The following C10orf90 variants were observed in gnomAD, a reference collection of about 807,000 sequenced individuals.
C10orf90 encodes chromosome 10 open reading frame 90.
Under a neutral mutation model 62.5 loss-of-function variants are expected in C10orf90, and 56 were observed. The observed-to-expected ratio is 0.90, with a 90% CI of 0.72 to 1.12. The LOEUF (loss-of-function observed/expected upper bound fraction) is 1.12. Among genes scored for constraint, C10orf90 ranks in the 50% most tolerant of loss-of-function variants. The pLI is 0.00. For missense variants in C10orf90, 970 were observed against 880.4 expected, an observed-to-expected ratio of 1.10 and a Z score of -1.29; for synonymous variants, 386 against 340.4, an observed-to-expected ratio of 1.13 and a Z score of -1.47.
intron 1 of C10orf90, among the ~76,000 whole-genome samples, chr10:126,668,883 G>T (rs1846688889): frequency 1.3e-5 from 2 of 152,162 alleles, no homozygotes; most frequent in Non-Finnish European, 2.9e-5. Context: ...TCCTAAAAAG[G>T]TGTACTTTTT....
chr10:126,501,082 A>G (rs1490271444), intron 4 of C10orf90, among the ~76,000 whole-genome samples: 1 of 152,254 alleles, frequency 6.6e-6, no homozygotes, highest in Admixed American at 6.5e-5. Flanking sequence ...GCTGTCAAGA[A>G]TGTCTCAGAT....
chr10:126,516,627 C>G (rs1430964779), intron 2 of C10orf90, among the ~76,000 whole-genome samples: 1 of 152,190 alleles, frequency 6.6e-6, no homozygotes. Context: ...TGCCTCGTCT[C>G]CAGCAGGGAG....
intron 7 of C10orf90, among the ~76,000 whole-genome samples, chr10:126,433,924 C>T (rs754830147): frequency 2.6e-5 from 4 of 152,134 alleles, no homozygotes; most frequent in African/African-American, 7.2e-5. Context: ...TTGTGTTTAC[C>T]TCGAATTATC....
chr10:126,447,131 A>G (rs965876983), intron 7 of C10orf90, among the ~76,000 whole-genome samples: 6 of 152,154 alleles, frequency 3.9e-5, no homozygotes, highest in African/African-American at 1.4e-4. Context: ...TCTAAAAAAC[A>G]CACCAGAAAA....
chr10:126,443,291 A>G (rs1336146996), intron 7 of C10orf90, among the ~76,000 whole-genome samples: 1 of 152,166 alleles, frequency 6.6e-6, no homozygotes, highest in African/African-American at 2.4e-5. Flanking sequence ...AGAAAAGAGG[A>G]GAGAAAATCC....
intron 4 of C10orf90, among the ~76,000 whole-genome samples, chr10:126,475,152 T>A (rs1056357666): frequency 6.6e-6 from 1 of 152,172 alleles, no homozygotes; most frequent in African/African-American, 2.4e-5. Context: ...CTGGAGAGTC[T>A]TTGAGCTAAT....
chr10:126,490,028 A>ATTATATATTATATATATT (rs1244004945), intron 4 of C10orf90, among the ~76,000 whole-genome samples: 10 of 102,564 alleles, frequency 9.8e-5, no homozygotes, highest in African/African-American at 3.9e-4. Flanking sequence ...TATAATATAT[A>ATTATATATTATATATATT]ATATATAATA....
chr10:126,464,498 C>A (rs75923863), intron 5 of C10orf90, among the ~76,000 whole-genome samples, 198 bp downstream of exon 5: 1 of 152,126 alleles, frequency 6.6e-6, no homozygotes, highest in African/African-American at 2.4e-5. Flanking sequence ...AAATCCCCGA[C>A]CCACATAGGG....
At chr10:126,559,729 A>C (rs1057264466) in intron 2 of C10orf90, among the ~76,000 whole-genome samples, 2 of 151,854 alleles carry the variant, frequency 1.3e-5, no homozygotes, top group African/African-American at 2.4e-5. Flanking sequence ...CAACCAAGAA[A>C]CCTCACCTTG....
intron 2 of C10orf90, among the ~76,000 whole-genome samples, chr10:126,576,935 G>A (rs1305200770): frequency 6.6e-6 from 1 of 151,046 alleles, no homozygotes; most frequent in African/African-American, 2.4e-5. Context: ...CATGTGTGGA[G>A]GCTAAAAAAA....
Position 126,624,076 on chromosome 10 carries a change from G to A in C10orf90, c.313+22489C>T, listed in dbSNP as rs183751929. Among the ~76,000 whole-genome samples the A allele has an allele frequency of 3.3e-5, 5 of 152,166 alleles. No homozygotes were observed. In the East Asian group the frequency reaches 5.8e-4, roughly 18 times the overall value. On this transcript the variant is annotated intron_variant, in intron 2 of 9. Transcript: ENST00000488181. The stretch of plus-strand genomic sequence containing the variant: ...TCAGAATCCAACTGGGGCCTAGCGC[G>A]GTGGCTCACGCCTGTAATCTCAGTA...
At chr10:126,460,017 G>A (rs1859864999) in intron 6 of C10orf90, among the ~76,000 whole-genome samples, 1 of 152,194 alleles carries the variant, frequency 6.6e-6, no homozygotes, top group Non-Finnish European at 1.5e-5. Context: ...TGGTAGTTTG[G>A]TAGATCACAT....
chr10:126,433,572 A>G (rs774493050), intron 7 of C10orf90, among the ~76,000 whole-genome samples: 1 of 152,104 alleles, frequency 6.6e-6, no homozygotes, highest in Non-Finnish European at 1.5e-5. Context: ...TTCTTCCTGT[A>G]CAGGGTAGAA....
chr10:126,644,922 G>A (rs1180317642), intron 2 of C10orf90, among the ~76,000 whole-genome samples: 1 of 152,234 alleles, frequency 6.6e-6, no homozygotes, highest in African/African-American at 2.4e-5. Context: ...ATGGATTCAT[G>A]TTCTCACTAC....
At chr10:126,521,408 G>T in intron 2 of C10orf90, 1 of 1,600,840 alleles carries the variant, frequency 6.2e-7, no homozygotes, top group Non-Finnish European at 8.5e-7. Context: ...AGAAAAAAAT[G>T]TCCGGAGTTT....
In C10orf90 at chr10:126,456,063, G is replaced by A. The variant is rs748694294; in HGVS notation, c.2188+2977C>T. Among the ~76,000 whole-genome samples, 13 of 152,202 alleles carry A rather than the reference G, an allele frequency of 8.5e-5. No homozygotes were observed. Among genetic ancestry groups the A allele is most frequent in the Non-Finnish European group, 1.9e-4 (13 of 68,028 alleles). On this transcript the variant is annotated intron_variant, in intron 7 of 9. Transcript: ENST00000488181. The surrounding 1 kb of genome is among the most constrained non-coding windows in gnomAD (Gnocchi z 4.9). ...AATAGGAGTCTTCTTTTTAACAGAC[G>A]CCTTGACACTGTAGCCAAAGCTCGT...
At position 126,508,175 on chromosome 10, in the gene C10orf90, G is replaced by GAA. The variant is rs1458403807; in HGVS notation, c.406-3091_406-3090insTT. ...TGAGTGAGTGAGAGAGAGAGAGAGA[G>GAA]AGAGAGAGAGAGAGAGTGTGTGTGT... On this transcript the variant is annotated intron_variant, in intron 3 of 9. Transcript: ENST00000488181. Among the ~76,000 whole-genome samples the GAA allele has an allele frequency of 2.6e-5, 4 of 151,780 alleles. No individual in the cohort carries two copies. The East Asian group carries it at 7.7e-4, about 29-fold the overall frequency.
intron 2 of C10orf90, among the ~76,000 whole-genome samples, chr10:126,603,590 T>G (rs1417689434): frequency 6.6e-6 from 1 of 152,148 alleles, no homozygotes; most frequent in East Asian, 1.9e-4. Context: ...CTGTGTGAAC[T>G]TAGGTGAGCT....
At chr10:126,581,509 T>C (rs1844751944) in intron 2 of C10orf90, among the ~76,000 whole-genome samples, 1 of 127,416 alleles carries the variant, frequency 7.8e-6, no homozygotes, top group Non-Finnish European at 1.7e-5. Context: ...CCGCAAGTCC[T>C]CCATCCTCAG....
Sources: allele counts gnomAD v4.1 joint callset (sites outside exome capture counted in the v4.1 genomes callset), GRCh38; gene constraint gnomAD v4.1.1; non-coding constraint Gnocchi (gnomAD v3.1); transcripts MANE v1.5; gene names NCBI Gene and HGNC (gene_info 2026-07-23, HGNC 2026-07-21).